APCDD1L: variants seen among roughly 807,000 people sequenced by gnomAD.
APCDD1L encodes protein APCDD1-like.
In APCDD1L, 21 loss-of-function variants were observed where a neutral mutation model predicts 24.2. The observed-to-expected ratio is 0.87, with a 90% CI of 0.61 to 1.25. APCDD1L has a LOEUF of 1.25. Among genes scored for constraint, APCDD1L ranks in the 50% most tolerant of loss-of-function variants. APCDD1L has a pLI of 0.00. For missense variants in APCDD1L, 704 were observed against 711.7 expected (o/e 0.99, Z 0.12); for synonymous variants, 321 against 323.6 (o/e 0.99, Z 0.09).
rs13042146 is a variant in APCDD1L, at chr20:58,497,331, C to G, written c.49+17328G>C. 0.14 allele frequency among the ~76,000 whole-genome samples: 21,075 copies of G among 152,058 alleles called. 1,918 individuals carry two copies. Among genetic ancestry groups the G allele is most frequent in the Non-Finnish European group, 0.2 (13,866 of 67,922 alleles). ...AAGTGGGTTCTCCCTGGGGGAGTCT[C>G]CCTGCCATGGGGAGAGGGCCCACTA... is the stretch of plus-strand genomic sequence containing the variant. On this transcript the variant is annotated intron_variant, in intron 1 of 3. Transcript: ENST00000371149. The surrounding 1 kb of genome is among the most constrained non-coding windows in gnomAD (Gnocchi z 4.3).
At chr20:58,464,500 C>T (rs184914852) in intron 3 of APCDD1L, among the ~76,000 whole-genome samples, 2 of 152,312 alleles carry the variant, frequency 1.3e-5, no homozygotes, top group Non-Finnish European at 2.9e-5. Flanking sequence ...AAACAAAGCC[C>T]CCAGCCAGCA....
In APCDD1L at chr20:58,467,206, C is replaced by T. The variant is rs1360937357; in HGVS notation, c.641G>A (p.Arg214Gln). ...CCCCAGGTACAGCTCCTCCACCAGC[C>T]GGGGCGACGCCCGGGGCTGCGGCTG... ...RLQPQPRASPRLVEELYLGDI... is the reference protein window; with the variant it reads ...RLQPQPRASPQLVEELYLGDI... Residue 214 changes from arginine (R) to glutamine (Q), a missense_variant, in exon 3 of 4, where the codon CGG becomes CAG. Transcript: ENST00000371149. The surrounding 1 kb of genome is among the most constrained non-coding windows in gnomAD (Gnocchi z 5.9). The T allele has an allele frequency of 6.2e-7, 1 of 1,604,088 alleles. No homozygotes were observed. The highest frequency in any genetic ancestry group is 8.5e-7 in the Non-Finnish European group (1 of 1,178,912).
At chr20:58,479,148 T>C (rs1333135106) in intron 1 of APCDD1L, among the ~76,000 whole-genome samples, 2 of 152,180 alleles carry the variant, frequency 1.3e-5, no homozygotes, top group Non-Finnish European at 2.9e-5. Context: ...TGTTTTCTAG[T>C]AGCCATGTTA....
chr20:58,502,874 T>C (rs1990466148), intron 1 of APCDD1L, among the ~76,000 whole-genome samples: 1 of 152,236 alleles, frequency 6.6e-6, no homozygotes, highest in South Asian at 2.1e-4. Flanking sequence ...TTACAAATTA[T>C]TCCACGTTCT....
Position 58,460,737 on chromosome 20 carries a change from T to G in APCDD1L, c.*53A>C. On this transcript the variant is annotated 3_prime_UTR_variant, in exon 4 of 4. Transcript: ENST00000371149. The surrounding 1 kb of genome is among the most constrained non-coding windows in gnomAD (Gnocchi z 4.2). Reference sequence around the variant, plus strand: ...CTTCCCTACAGCTGCCAGGAGGGAGTCTGAAGGGTTGAATGGGTGTCCAGA... The same window carrying G: ...CTTCCCTACAGCTGCCAGGAGGGAGGCTGAAGGGTTGAATGGGTGTCCAGA... 1 of 1,486,034 alleles carries G rather than the reference T, an allele frequency of 6.7e-7. No individual in the cohort carries two copies. The highest frequency in any genetic ancestry group is 9.0e-7 in the Non-Finnish European group (1 of 1,114,666). The allele number at this position is 1,486,034 out of a possible 1,614,324, so 92.1% of individuals were successfully genotyped here.
intron 1 of APCDD1L, among the ~76,000 whole-genome samples, chr20:58,475,138 A>G (rs767194005): frequency 6.6e-6 from 1 of 152,256 alleles, no homozygotes; most frequent in Non-Finnish European, 1.5e-5. Context: ...TGGATCAAAG[A>G]GAGAAGAGGG....
At chr20:58,473,867 T>A (rs535949109) in intron 1 of APCDD1L, among the ~76,000 whole-genome samples, 3 of 152,242 alleles carry the variant, frequency 2.0e-5, no homozygotes, top group Non-Finnish European at 4.4e-5. Flanking sequence ...TGAAATTAGA[T>A]AGCATTGTTC....
At chr20:58,514,634 C>T (rs748435700) in intron 1 of APCDD1L, 25 bp downstream of exon 1, 1 of 1,311,456 alleles carries the variant, frequency 7.6e-7, no homozygotes, top group Non-Finnish European at 9.8e-7. Flanking sequence ...AGCCAGTTTG[C>T]CGGGTGGGGG....
rs562248987 is a variant in APCDD1L, at chr20:58,514,785, C to T, written c.-78G>A. 8 of 1,173,184 alleles carry T rather than the reference C, an allele frequency of 6.8e-6. No individual in the cohort carries two copies. The highest frequency in any genetic ancestry group is 2.6e-4 in the Middle Eastern group (1 of 3,776). The allele number at this position is 1,173,184 out of a possible 1,614,324, so 72.7% of individuals were successfully genotyped here. On this transcript the variant is annotated 5_prime_UTR_variant, in exon 1 of 4. Transcript: ENST00000371149. ...GAGGCGCGGGCGCAGGGCTCTCGGA[C>T]GGCTGCGGGCGCCGGCGGCCAGGCT... is the stretch of plus-strand genomic sequence containing the variant.
intron 2 of APCDD1L, among the ~76,000 whole-genome samples, 193 bp downstream of exon 2, chr20:58,470,416 C>G (rs1013355416): frequency 6.6e-6 from 1 of 152,212 alleles, no homozygotes; most frequent in Admixed American, 6.5e-5. Context: ...TGACCATGGA[C>G]GTGATGCCCA....
chr20:58,507,856 T>C (rs149494880), intron 1 of APCDD1L, among the ~76,000 whole-genome samples: 74 of 152,366 alleles, frequency 4.9e-4, no homozygotes, highest in African/African-American at 1.6e-3. Context: ...AGGCAGTTCA[T>C]TGGAAAAGCA....
intron 1 of APCDD1L, among the ~76,000 whole-genome samples, chr20:58,495,851 G>C (rs866088560): frequency 6.6e-5 from 10 of 152,090 alleles, no homozygotes; most frequent in African/African-American, 2.2e-4. Flanking sequence ...TGTCTCCCCA[G>C]CTGCTGCCAG....
Position 58,469,302 on chromosome 20 carries a change from T to A in APCDD1L, c.188+1307A>T, listed in dbSNP as rs75741173. 4.6e-3 allele frequency among the ~76,000 whole-genome samples: 702 copies of A among 152,062 alleles called. 6 individuals carry two copies. Among genetic ancestry groups the A allele is most frequent in the Non-Finnish European group, 7.9e-3 (537 of 67,990 alleles). ...AGAAAATGATAAGTAAATACTAGTA[T>A]AGGTACTTAAAAATAGGGAGGGGTG... On this transcript the variant is annotated intron_variant, in intron 2 of 3. Transcript: ENST00000371149.
chr20:58,514,941 A>G lies in APCDD1L; in HGVS notation c.-234T>C. On this transcript the variant is annotated 5_prime_UTR_variant, in exon 1 of 4. Transcript: ENST00000371149. ...GTCCAACTTGCCAGAAGAGGTGGAG[A>G]CAGCCCCCGGCGAGGCGCGCACACC... The G allele has an allele frequency of 2.7e-6, 1 of 368,328 alleles. No homozygotes were observed. 22.8% of individuals were successfully genotyped at this position (368,328 alleles called of 1,614,324 possible). A position where few individuals can be genotyped will look rare whatever the true frequency, so the allele number is the denominator to read the frequency against.
chr20:58,492,289 C>T (rs903863521), intron 1 of APCDD1L, among the ~76,000 whole-genome samples: 7 of 152,108 alleles, frequency 4.6e-5, no homozygotes, highest in Non-Finnish European at 7.3e-5. Flanking sequence ...CACACATGAC[C>T]AACAGAGGAT....
rs574195109 is a variant in APCDD1L, at chr20:58,513,907, T to C, written c.49+752A>G. 2.7e-5 allele frequency: 35 copies of C among 1,304,086 alleles called. No homozygotes were observed. The African/African-American group carries it at 4.8e-4, about 18-fold the overall frequency. 80.8% of individuals were successfully genotyped at this position (1,304,086 alleles called of 1,614,324 possible). Reference sequence around the variant, plus strand: ...CCAGAATTCTCAGCCATTCATAATGTGAGGGTGCTTGGGGATGAGCCCCCA... The same window carrying C: ...CCAGAATTCTCAGCCATTCATAATGCGAGGGTGCTTGGGGATGAGCCCCCA... On this transcript the variant is annotated intron_variant, in intron 1 of 3. Coordinates refer to ENST00000371149, the MANE Select transcript of APCDD1L (RefSeq NM_153360.3).
Position 58,461,731 on chromosome 20 carries a change from AGGAT to A in APCDD1L, c.742-181_742-178del. Reference sequence around the variant, plus strand: ...TCAGGACGACCTCCTTGCTTCAGCCAGGATGGCCTCCTTGATGGAGGTCAGCCCC... The same window carrying A: ...TCAGGACGACCTCCTTGCTTCAGCCAGGCCTCCTTGATGGAGGTCAGCCCC... On this transcript the variant is annotated intron_variant, in intron 3 of 3. Transcript: ENST00000371149. The surrounding 1 kb of genome is among the most constrained non-coding windows in gnomAD (Gnocchi z 6.0). The A allele has an allele frequency of 1.7e-6, 1 of 586,316 alleles. No individual in the cohort carries two copies. The allele number at this position is 586,316 out of a possible 1,614,324, so 36.3% of individuals were successfully genotyped here.
rs1989851851 is a variant in APCDD1L at position 58,473,526 on chromosome 20, TA to T, written c.50-2780del. 5.3e-5 allele frequency among the ~76,000 whole-genome samples: 8 copies of T among 152,298 alleles called. 1 individual carries two copies. The South Asian group carries it at 1.7e-3, about 32-fold the overall frequency. ...AACTTCAAGGTTGCAAAAACGAAATTAACCAATTATAAATGATTCCATGACA... is the reference window on the plus strand; with the variant it reads ...AACTTCAAGGTTGCAAAAACGAAATTACCAATTATAAATGATTCCATGACA... On this transcript the variant is annotated intron_variant, in intron 1 of 3. Coordinates refer to ENST00000371149, the MANE Select transcript of APCDD1L (RefSeq NM_153360.3).
In APCDD1L at chr20:58,461,370, C is replaced by A. The variant is rs765284961; in HGVS notation, c.926G>T (p.Arg309Leu). 1 of 1,565,880 alleles carries A rather than the reference C, an allele frequency of 6.4e-7. No homozygotes were observed. Among genetic ancestry groups the A allele is most frequent in the Admixed American group, 1.8e-5 (1 of 56,678 alleles). The change falls in exon 4 of 4, where the codon CGC becomes CTC. Residue 309 changes from arginine to leucine, a missense_variant. By Grantham distance (102) the Arg-to-Leu change is moderately radical. Transcript: ENST00000371149. This position sits in a 1 kb window ranked among gnomAD's most constrained non-coding sequence, Gnocchi z 6.0. ...GTGGTGGTAATACCCTTCCCAGGAGCGGCTGTGCCCGTGGAAAGTGAAGAG... is the reference window on the plus strand; with the variant it reads ...GTGGTGGTAATACCCTTCCCAGGAGAGGCTGTGCCCGTGGAAAGTGAAGAG... ...TRLFTFHGHS[R>L]SWEGYYHHFS...
Sources: gnomAD v4.1 joint callset for allele counts (sites outside exome capture counted in the v4.1 genomes callset) on GRCh38, gnomAD v4.1.1 for gene constraint, Gnocchi (gnomAD v3.1) non-coding constraint, MANE v1.5 for transcripts, NCBI Gene and HGNC (gene_info 2026-07-23, HGNC 2026-07-21) for gene names.